SMAP1: variants seen among roughly 807,000 people sequenced by gnomAD.
SMAP1 encodes stromal membrane-associated protein 1.
In SMAP1, 24 loss-of-function variants were observed where a neutral mutation model predicts 58.5. The observed-to-expected ratio is 0.41, with a 90% CI of 0.30 to 0.58. The LOEUF is 0.58. Among genes scored for constraint, SMAP1 ranks in the 20% least tolerant of loss-of-function variants. The probability of loss-of-function intolerance (pLI) is 0.29; values close to 1 mark genes in which losing one functional copy is unlikely to be tolerated. For missense variants in SMAP1, 563 were observed against 566.3 expected, an observed-to-expected ratio of 0.99 and a Z score of 0.06; for synonymous variants, 216 against 196.6, an observed-to-expected ratio of 1.10 and a Z score of -0.82.
At chr6:70,756,992 T>C (rs1472560096) in intron 3 of SMAP1, among the ~76,000 whole-genome samples, 5 of 152,128 alleles carry the variant, frequency 3.3e-5, no homozygotes, top group African/African-American at 1.2e-4. Context: ...TACCAATGAC[T>C]TTCTTCACAG....
intron 6 of SMAP1, among the ~76,000 whole-genome samples, chr6:70,799,137 G>T (rs1229424057): frequency 6.6e-6 from 1 of 152,108 alleles, no homozygotes; most frequent in Non-Finnish European, 1.5e-5. Context: ...GTAGGATTAA[G>T]GTGGAAAACG....
rs775646362 is a variant in SMAP1 at position 70,668,635 on chromosome 6, C to T, written c.118+494C>T. On this transcript the variant is annotated intron_variant, in intron 1 of 10. Transcript: ENST00000370455. Reference sequence around the variant, plus strand: ...CGGATTCTTGGTCTCCTAGATGGAGCCCTACCTGCCTGCCCACCTGACAGC... The same window carrying T: ...CGGATTCTTGGTCTCCTAGATGGAGTCCTACCTGCCTGCCCACCTGACAGC... 1.4e-5 allele frequency: 22 copies of T among 1,535,846 alleles called. No homozygotes were observed. The South Asian group carries it at 2.6e-4, about 18-fold the overall frequency.
chr6:70,813,126 A>AT (rs1159838334), intron 6 of SMAP1, among the ~76,000 whole-genome samples: 1 of 151,736 alleles, frequency 6.6e-6, no homozygotes, highest in Non-Finnish European at 1.5e-5. Context: ...CGTATTTTTT[A>AT]TTTTTTCTCT....
Position 70,858,023 on chromosome 6 carries a change from C to T in SMAP1, c.1063C>T (p.Leu355Phe). The change falls in exon 10 of 11, where the codon CTT becomes TTT. Residue 355 changes from leucine (L) to phenylalanine (F), a missense_variant. This residue lies in a region of SMAP1 where 494 missense variants were observed against 473.8 expected (regional missense o/e 1.04). Transcript: ENST00000370455. Reference protein sequence around the residue: ...MGVPVPAAPGLIGNVMGQSPS... With the variant: ...MGVPVPAAPGFIGNVMGQSPS... ...CGTGCCTGTGCCTGCAGCTCCTGGCCTTATAGGAAATGTGATGGGACAGAG... is the reference window on the plus strand; with the variant it reads ...CGTGCCTGTGCCTGCAGCTCCTGGCTTTATAGGAAATGTGATGGGACAGAG... The T allele has an allele frequency of 6.2e-7, 1 of 1,614,126 alleles. No individual in the cohort carries two copies. The highest frequency in any genetic ancestry group is 8.5e-7 in the Non-Finnish European group (1 of 1,180,008).
intron 10 of SMAP1, chr6:70,858,463 A>G (rs932159522): frequency 2.6e-6 from 1 of 380,162 alleles, no homozygotes; most frequent in Non-Finnish European, 4.6e-6. Flanking sequence ...AAGGTTAAAC[A>G]TCTTTCATTT....
At chr6:70,684,776 C>T (rs920126214) in intron 1 of SMAP1, among the ~76,000 whole-genome samples, 1 of 152,034 alleles carries the variant, frequency 6.6e-6, no homozygotes, top group Admixed American at 6.6e-5. Flanking sequence ...GGTAATATTT[C>T]CTCTGTAATA....
chr6:70,672,894 G>T (rs1286357158), intron 1 of SMAP1, among the ~76,000 whole-genome samples: 1 of 151,932 alleles, frequency 6.6e-6, no homozygotes, highest in Non-Finnish European at 1.5e-5. Flanking sequence ...GTACCAGTAT[G>T]AAAGAACAGA....
intron 4 of SMAP1, among the ~76,000 whole-genome samples, chr6:70,785,433 G>A (rs1015020582): frequency 6.6e-6 from 1 of 152,054 alleles, no homozygotes; most frequent in Non-Finnish European, 1.5e-5. Flanking sequence ...GCTAGCAGAG[G>A]CAAGAAATAA....
intron 1 of SMAP1, among the ~76,000 whole-genome samples, chr6:70,671,770 A>G (rs1766276277): frequency 6.6e-6 from 1 of 152,164 alleles, no homozygotes. Context: ...TATGTTTTCA[A>G]AGTTCATTCA....
In SMAP1 at chr6:70,861,973, C is replaced by A; in HGVS notation, c.*1639C>A. On this transcript the variant is annotated 3_prime_UTR_variant, in exon 11 of 11. Transcript: ENST00000370455. ...GACAAAATGACTTGAAGACTTACAGCAAATCCTTTGTGAAAAATAAAAAAA... is the reference window on the plus strand; with the variant it reads ...GACAAAATGACTTGAAGACTTACAGAAAATCCTTTGTGAAAAATAAAAAAA... 1 of 1,581,194 alleles carries A rather than the reference C, an allele frequency of 6.3e-7. No homozygotes were observed.
At chr6:70,711,779 C>T (rs745610269) in intron 1 of SMAP1, among the ~76,000 whole-genome samples, 11 of 152,164 alleles carry the variant, frequency 7.2e-5, no homozygotes, top group East Asian at 3.9e-4. Flanking sequence ...CCACCTGCCT[C>T]GTCCTCTCAA....
chr6:70,767,960 AG>A (rs1767075404), intron 3 of SMAP1, among the ~76,000 whole-genome samples: 1 of 148,424 alleles, frequency 6.7e-6, no homozygotes, highest in Non-Finnish European at 1.5e-5. Flanking sequence ...TTTAGCATGA[AG>A]GGTTGTTGAA....
chr6:70,783,570 T>G (rs1767861388), intron 4 of SMAP1, among the ~76,000 whole-genome samples: 3 of 152,018 alleles, frequency 2.0e-5, no homozygotes, highest in South Asian at 4.2e-4. Flanking sequence ...ATTAGATGAA[T>G]GTATAACTAG....
chr6:70,775,550 T>A (rs1767513817), intron 4 of SMAP1, among the ~76,000 whole-genome samples: 1 of 152,160 alleles, frequency 6.6e-6, no homozygotes. Flanking sequence ...TTTCAAGTGG[T>A]TTGGTGAAAC....
chr6:70,837,416 T>A (rs1296762568), intron 7 of SMAP1, among the ~76,000 whole-genome samples: 1 of 152,174 alleles, frequency 6.6e-6, no homozygotes, highest in African/African-American at 2.4e-5. Flanking sequence ...AGGGTAGCCT[T>A]ATTGTAAAAT....
intron 1 of SMAP1, among the ~76,000 whole-genome samples, chr6:70,691,131 A>G (rs1181246346): frequency 6.6e-6 from 1 of 152,174 alleles, no homozygotes; most frequent in East Asian, 1.9e-4. Flanking sequence ...TTGTATCTGT[A>G]GAATCTGTAG....
At chr6:70,668,931 A>G (rs1766152166) in intron 1 of SMAP1, among the ~76,000 whole-genome samples, 1 of 152,204 alleles carries the variant, frequency 6.6e-6, no homozygotes, top group Admixed American at 6.5e-5. Flanking sequence ...TGTGTACCTC[A>G]TAAATGCTGA....
At chr6:70,671,415 C>T (rs1766258970) in intron 1 of SMAP1, among the ~76,000 whole-genome samples, 1 of 152,106 alleles carries the variant, frequency 6.6e-6, no homozygotes. Context: ...ACTAAAAATA[C>T]AAAAACCATT....
intron 7 of SMAP1, among the ~76,000 whole-genome samples, chr6:70,843,977 C>T (rs1770896092): frequency 6.6e-6 from 1 of 152,054 alleles, no homozygotes. Context: ...CACAGTAGGA[C>T]TCCTGCTGGG....
Sources: gnomAD v4.1 joint callset for allele counts (sites outside exome capture counted in the v4.1 genomes callset) on GRCh38, gnomAD v4.1.1 for gene constraint, gnomAD v4.1.1 regional missense constraint, MANE v1.5 for transcripts, NCBI Gene and HGNC (gene_info 2026-07-23, HGNC 2026-07-21) for gene names.